The following STXBP6 variants were observed in gnomAD, a reference collection of about 807,000 sequenced individuals.
STXBP6 encodes the protein syntaxin binding protein 6.
STXBP6 carries 21 observed loss-of-function variants against 26.9 expected under a neutral mutation model. The ratio of observed to expected loss-of-function variants is 0.78; its 90% CI spans 0.55 to 1.12. STXBP6 has a LOEUF of 1.12. STXBP6 is among the 50% of genes most tolerant of loss of function. The pLI is 0.00. For synonymous variants in STXBP6, 97 were observed against 92.6 expected (o/e 1.05, Z -0.27); for missense variants, 232 against 257.9 (o/e 0.90, Z 0.69).
chr14:24,909,492 C>T (rs2071493440), intron 2 of STXBP6, among the ~76,000 whole-genome samples: 1 of 152,030 alleles, frequency 6.6e-6, no homozygotes, highest in African/African-American at 2.4e-5. Flanking sequence ...GAAAATAAAA[C>T]TGTTAAGGTG....
intron 4 of STXBP6, among the ~76,000 whole-genome samples, chr14:24,832,566 T>C: frequency 6.6e-6 from 1 of 152,222 alleles, no homozygotes; most frequent in East Asian, 1.9e-4. Flanking sequence ...ATGGTCTCCA[T>C]GTATCTTGTT....
intron 1 of STXBP6, among the ~76,000 whole-genome samples, chr14:24,989,331 A>G (rs2074409142): frequency 6.6e-6 from 1 of 152,270 alleles, no homozygotes; most frequent in Admixed American, 6.5e-5. Flanking sequence ...AAGTTGTAAG[A>G]ATATATTTTC....
intron 2 of STXBP6, among the ~76,000 whole-genome samples, chr14:24,925,654 C>A (rs1374876063): frequency 6.6e-6 from 1 of 152,144 alleles, no homozygotes; most frequent in African/African-American, 2.4e-5. Flanking sequence ...TTCTCAGAAA[C>A]CATCAATTCC....
chr14:24,842,452 C>T (rs1384135428), intron 4 of STXBP6, among the ~76,000 whole-genome samples: 4 of 152,124 alleles, frequency 2.6e-5, no homozygotes, highest in African/African-American at 7.2e-5. Context: ...TATGGATATA[C>T]TTATGTTTTC....
intron 2 of STXBP6, among the ~76,000 whole-genome samples, chr14:24,974,345 C>G (rs144213075): frequency 1.3e-5 from 2 of 152,218 alleles, no homozygotes; most frequent in Admixed American, 1.3e-4. Flanking sequence ...TGTTCTAAAA[C>G]GAGAATTCCA....
intron 2 of STXBP6, among the ~76,000 whole-genome samples, chr14:24,900,039 G>C (rs886527328): frequency 1.3e-5 from 2 of 152,116 alleles, no homozygotes; most frequent in Non-Finnish European, 2.9e-5. Flanking sequence ...TGAACAAAGC[G>C]ATATGCCTTA....
At chr14:24,817,300 GC>G (rs1173693453) in intron 5 of STXBP6, 1 of 152,238 alleles carries the variant, frequency 6.6e-6, no homozygotes, top group Non-Finnish European at 1.5e-5. Context: ...TGGGAGGGAC[GC>G]CTACGTGGAC....
chr14:24,887,629 T>C (rs2070638524), intron 2 of STXBP6, among the ~76,000 whole-genome samples: 1 of 152,192 alleles, frequency 6.6e-6, no homozygotes, highest in Non-Finnish European at 1.5e-5. Flanking sequence ...TTCACTGAAC[T>C]CAGGCAAATC....
At chr14:25,035,045 G>A (rs990255973) in intron 1 of STXBP6, among the ~76,000 whole-genome samples, 2 of 151,966 alleles carry the variant, frequency 1.3e-5, no homozygotes, top group Non-Finnish European at 2.9e-5. Flanking sequence ...CAGCTACTCG[G>A]GAGGGTGAGG....
intron 1 of STXBP6, among the ~76,000 whole-genome samples, chr14:25,029,285 C>T (rs1481572659): frequency 6.6e-6 from 1 of 152,080 alleles, no homozygotes; most frequent in Non-Finnish European, 1.5e-5. Flanking sequence ...TAAGAAATTG[C>T]CACAGCTACC....
chr14:24,862,794 G>A (rs1252017334), intron 2 of STXBP6, among the ~76,000 whole-genome samples: 2 of 152,178 alleles, frequency 1.3e-5, no homozygotes, highest in Admixed American at 6.6e-5. Flanking sequence ...AAAATTCTAT[G>A]GGAAGGCTGC....
At chr14:24,903,530 TAATAAA>T (rs1334178179) in intron 2 of STXBP6, among the ~76,000 whole-genome samples, 1 of 152,182 alleles carries the variant, frequency 6.6e-6, no homozygotes, top group Non-Finnish European at 1.5e-5. Context: ...ACAAAGTTCT[TAATAAA>T]TATTTGTGGG....
In STXBP6 at chr14:24,969,266, A is replaced by G. The variant is rs74562096; in HGVS notation, c.154+5399T>C. Reference sequence around the variant, plus strand: ...TAATCACAAAAATTAAAGCTCCCACATGCTCCTTCTCTGGGGATGAGTAGC... The same window carrying G: ...TAATCACAAAAATTAAAGCTCCCACGTGCTCCTTCTCTGGGGATGAGTAGC... On this transcript the variant is annotated intron_variant, in intron 2 of 5. Coordinates refer to ENST00000323944, the MANE Select transcript of STXBP6 (RefSeq NM_001394410.1). Among the ~76,000 whole-genome samples the G allele has an allele frequency of 2.7e-3, 414 of 152,342 alleles. 8 individuals are homozygous for G. In the East Asian group the frequency reaches 0.04, roughly 15 times the overall value.
intron 2 of STXBP6, among the ~76,000 whole-genome samples, chr14:24,961,467 TAAAA>T (rs2073536564): frequency 7.1e-6 from 1 of 141,582 alleles, no homozygotes; most frequent in South Asian, 2.2e-4. Context: ...AAAAAAAACA[TAAAA>T]AGAATATTAT....
intron 1 of STXBP6, among the ~76,000 whole-genome samples, chr14:25,000,315 G>A (rs539434149): frequency 2.6e-5 from 4 of 151,476 alleles, no homozygotes; most frequent in Admixed American, 6.6e-5. Context: ...CGCCCGCCTC[G>A]GCCTCCCAAA....
chr14:25,017,841 G>A (rs972547059), intron 1 of STXBP6, among the ~76,000 whole-genome samples: 3 of 151,362 alleles, frequency 2.0e-5, no homozygotes, highest in South Asian at 2.1e-4. Context: ...CAGTGGTTGC[G>A]AGCTCCAACT....
At chr14:24,846,311 A>T (rs1046482276) in intron 4 of STXBP6, among the ~76,000 whole-genome samples, 1 of 152,186 alleles carries the variant, frequency 6.6e-6, no homozygotes, top group East Asian at 1.9e-4. Flanking sequence ...AATAGCCACA[A>T]TATAACACTA....
chr14:24,883,935 GT>G (rs1322517648), intron 2 of STXBP6, among the ~76,000 whole-genome samples: 4 of 152,130 alleles, frequency 2.6e-5, no homozygotes, highest in Admixed American at 6.5e-5. Flanking sequence ...AAAAAGCTAT[GT>G]TTAAAACAAG....
At chr14:24,851,140 C>G (rs1034682986) in intron 4 of STXBP6, among the ~76,000 whole-genome samples, 1 of 151,862 alleles carries the variant, frequency 6.6e-6, no homozygotes, top group Non-Finnish European at 1.5e-5. Context: ...TTAAAGAATA[C>G]TGATGTAAGT....
Sources: allele counts gnomAD v4.1 joint callset (sites outside exome capture counted in the v4.1 genomes callset), GRCh38; gene constraint gnomAD v4.1.1; transcripts MANE v1.5; gene names NCBI Gene and HGNC (gene_info 2026-07-23, HGNC 2026-07-21).